The following SGCZ variants were observed in gnomAD, a reference collection of about 807,000 sequenced individuals.
SGCZ encodes the protein sarcoglycan zeta.
In SGCZ, 40 loss-of-function variants were observed where a neutral mutation model predicts 41.3. The observed-to-expected ratio is 0.97, with a 90% confidence interval of 0.75 to 1.26. The LOEUF is 1.26. Ranked by LOEUF, SGCZ falls within the 50% of genes most tolerant of loss-of-function variation. The probability of loss-of-function intolerance (pLI) is 0.00; values close to 1 mark genes in which losing one functional copy is unlikely to be tolerated. For synonymous variants in SGCZ, 206 were observed against 137.5 expected (o/e 1.50, Z -3.49); for missense variants, 552 against 369.8 (o/e 1.49, Z -4.04).
At chr8:14,918,290 A>G (rs1000621154) in intron 1 of SGCZ, among the ~76,000 whole-genome samples, 2 of 152,114 alleles carry the variant, frequency 1.3e-5, no homozygotes, top group African/African-American at 4.8e-5. Context: ...TCATCCTGCT[A>G]GTTCTCAGAA....
intron 1 of SGCZ, among the ~76,000 whole-genome samples, chr8:14,768,396 T>C (rs1396432409): frequency 1.3e-5 from 2 of 152,216 alleles, no homozygotes; most frequent in African/African-American, 2.4e-5. Flanking sequence ...GAAACAGTTT[T>C]TCATTTCCAT....
intron 2 of SGCZ, among the ~76,000 whole-genome samples, chr8:14,506,989 A>T (rs919136626): frequency 6.6e-6 from 1 of 152,096 alleles, no homozygotes; most frequent in Non-Finnish European, 1.5e-5. Context: ...TCTCAACTCA[A>T]ATACATAAAT....
At chr8:14,268,041 T>G (rs1799934659) in intron 3 of SGCZ, among the ~76,000 whole-genome samples, 1 of 151,216 alleles carries the variant, frequency 6.6e-6, no homozygotes. Context: ...CCTAATTTAC[T>G]TTTTCTTCAA....
At chr8:14,358,889 G>A (rs556968624) in intron 2 of SGCZ, among the ~76,000 whole-genome samples, 19 of 152,198 alleles carry the variant, frequency 1.2e-4, no homozygotes, top group Non-Finnish European at 1.8e-4. Flanking sequence ...GATTACAGAC[G>A]TGAGCCACTG....
chr8:15,073,431 A>G (rs1805423703), intron 1 of SGCZ, among the ~76,000 whole-genome samples: 1 of 152,158 alleles, frequency 6.6e-6, no homozygotes, highest in South Asian at 2.1e-4. Flanking sequence ...ATAAATTAAT[A>G]CATAAGATTA....
chr8:14,297,050 T>C (rs1415683248), intron 3 of SGCZ, among the ~76,000 whole-genome samples: 1 of 152,076 alleles, frequency 6.6e-6, no homozygotes, highest in East Asian at 1.9e-4. Flanking sequence ...GCATCCTGAG[T>C]AGTGAGGAGT....
chr8:14,567,424 T>A (rs201304539), intron 1 of SGCZ, among the ~76,000 whole-genome samples: 1 of 152,142 alleles, frequency 6.6e-6, no homozygotes, highest in East Asian at 1.9e-4. Flanking sequence ...ATCTAGCTAA[T>A]CTAGTGGGGA....
chr8:14,762,043 G>C (rs139309421), intron 1 of SGCZ, among the ~76,000 whole-genome samples: 1 of 152,268 alleles, frequency 6.6e-6, no homozygotes, highest in South Asian at 2.1e-4. Flanking sequence ...TAGGTGTTGT[G>C]AATGAATAGC....
At position 14,086,241 on chromosome 8, in the gene SGCZ, G is replaced by A. The variant is rs1297557820; in HGVS notation, c.*4202C>T. ...CTTTGAGGATTTTATAGAAAATTTGGCTATTAAATACTTTCAATGATTTTA... is the reference window on the plus strand; with the variant it reads ...CTTTGAGGATTTTATAGAAAATTTGACTATTAAATACTTTCAATGATTTTA... On this transcript the variant is annotated 3_prime_UTR_variant, in exon 8 of 8. Transcript: ENST00000382080. Among the ~76,000 whole-genome samples, 1 of 151,604 alleles carries A rather than the reference G, an allele frequency of 6.6e-6. No individual in the cohort carries two copies. The highest frequency in any genetic ancestry group is 2.1e-4 in the South Asian group (1 of 4,822).
chr8:15,206,749 G>A (rs1211499365), intron 1 of SGCZ, among the ~76,000 whole-genome samples: 6 of 151,928 alleles, frequency 3.9e-5, no homozygotes, highest in African/African-American at 1.5e-4. Context: ...ACCCAGCCGG[G>A]CAGAGTCTTT....
At chr8:14,883,648 C>A (rs1804677567) in intron 1 of SGCZ, among the ~76,000 whole-genome samples, 1 of 151,962 alleles carries the variant, frequency 6.6e-6, no homozygotes, top group Non-Finnish European at 1.5e-5. Context: ...AGTTTCATAG[C>A]CTTGTGTCTC....
At chr8:14,746,080 G>A (rs1008841558) in intron 1 of SGCZ, among the ~76,000 whole-genome samples, 1 of 151,712 alleles carries the variant, frequency 6.6e-6, no homozygotes, top group African/African-American at 2.4e-5. Flanking sequence ...GTTTTAATAT[G>A]TTTGTTACCA....
intron 3 of SGCZ, chr8:14,309,181 T>A: frequency 1.4e-6 from 2 of 1,480,370 alleles, no homozygotes; most frequent in East Asian, 4.5e-5. Flanking sequence ...AAAGCAAAAC[T>A]TGGCAAGCAA....
At chr8:14,731,529 T>C (rs1563231929) in intron 1 of SGCZ, among the ~76,000 whole-genome samples, 1 of 152,218 alleles carries the variant, frequency 6.6e-6, no homozygotes, top group Middle Eastern at 3.4e-3. Flanking sequence ...CAACTTAAAG[T>C]ATAATAAAAA....
chr8:14,383,617 C>T (rs1192783905), intron 2 of SGCZ, among the ~76,000 whole-genome samples: 1 of 152,210 alleles, frequency 6.6e-6, no homozygotes, highest in Non-Finnish European at 1.5e-5. Context: ...GATCACTTCA[C>T]ACTAACGCAT....
At position 14,090,348 on chromosome 8, in the gene SGCZ, A is replaced by G; in HGVS notation, c.*95T>C. On this transcript the variant is annotated 3_prime_UTR_variant, in exon 8 of 8. Transcript: ENST00000382080. The stretch of plus-strand genomic sequence containing the variant: ...AAGTTGCTCTGTGGACCATTCGAAG[A>G]AGCTCTGGACTGATCACAAGGGAAA... The G allele has an allele frequency of 7.5e-7, 1 of 1,327,554 alleles. No individual in the cohort carries two copies. Among genetic ancestry groups the G allele is most frequent in the Non-Finnish European group, 1.0e-6 (1 of 982,100 alleles). The allele number at this position is 1,327,554 out of a possible 1,614,324, so 82.2% of individuals were successfully genotyped here.
chr8:14,706,745 T>G (rs1338033319), intron 1 of SGCZ, among the ~76,000 whole-genome samples: 1 of 152,030 alleles, frequency 6.6e-6, no homozygotes, highest in African/African-American at 2.4e-5. Context: ...GTAGTAAGCG[T>G]TTTTAAGTTA....
In SGCZ at chr8:15,237,779, T is replaced by C; in HGVS notation, c.-156A>G. On this transcript the variant is annotated 5_prime_UTR_variant, in exon 1 of 8. Coordinates refer to ENST00000382080, the MANE Select transcript of SGCZ (RefSeq NM_139167.4). ...CCGTGGTCACGCCGCCTCCACCGGG[T>C]TAAAAATAAGGAAAATAAATAAATA... is the stretch of plus-strand genomic sequence containing the variant. 1.6e-6 allele frequency: 1 copy of C among 637,412 alleles called. No homozygotes were observed. The highest frequency in any genetic ancestry group is 2.8e-6 in the Non-Finnish European group (1 of 359,934). 39.5% of individuals were successfully genotyped at this position (637,412 alleles called of 1,614,324 possible).
At chr8:14,562,908 A>G (rs1804249171) in intron 1 of SGCZ, among the ~76,000 whole-genome samples, 1 of 152,228 alleles carries the variant, frequency 6.6e-6, no homozygotes, top group African/African-American at 2.4e-5. Flanking sequence ...ATGTGGTAGC[A>G]GAGGAACTAG....
Sources: gnomAD v4.1 joint callset for allele counts (sites outside exome capture counted in the v4.1 genomes callset) on GRCh38, gnomAD v4.1.1 for gene constraint, MANE v1.5 for transcripts, NCBI Gene and HGNC (gene_info 2026-07-23, HGNC 2026-07-21) for gene names.